The following STXBP5L variants were observed in gnomAD, a reference collection of about 807,000 sequenced individuals.
STXBP5L encodes syntaxin binding protein 5L, also known as syntaxin-binding protein 5-like.
Under a neutral mutation model 144.5 loss-of-function variants are expected in STXBP5L, and 65 were observed. The ratio of observed to expected loss-of-function variants is 0.45; its 90% CI spans 0.37 to 0.55. STXBP5L has a LOEUF of 0.55. STXBP5L is among the 20% of genes least tolerant of loss of function. The pLI, the probability that STXBP5L is intolerant of heterozygous loss-of-function variation, is 0.00. For synonymous variants in STXBP5L, 505 were observed against 469.6 expected, an observed-to-expected ratio of 1.08 and a Z score of -0.97; for missense variants, 1,298 against 1,405.5, an observed-to-expected ratio of 0.92 and a Z score of 1.22.
At position 121,205,972 on chromosome 3, in the gene STXBP5L, T is replaced by A; in HGVS notation, c.927T>A (p.Leu309=). 1 of 1,518,296 alleles carries A rather than the reference T, an allele frequency of 6.6e-7. No homozygotes were observed. The allele number at this position is 1,518,296 out of a possible 1,614,324, so 94.1% of individuals were successfully genotyped here. A position where few individuals can be genotyped will look rare whatever the true frequency, so the allele number is the denominator to read the frequency against. Residue 309 remains leucine, a synonymous_variant, in exon 10 of 27, where the codon CTT becomes CTA. Coordinates refer to ENST00000471454, the MANE Select transcript of STXBP5L (RefSeq NM_001308330.2). The part of the protein sequence containing the change: ...GRKSESCKPI[L]KVEYKTCKNS... Reference sequence around the variant, plus strand: ...AATCTGAATCTTGTAAACCAATTCTTAAAGTAGAATACAAGACCTGCAAAA... The same window carrying A: ...AATCTGAATCTTGTAAACCAATTCTAAAAGTAGAATACAAGACCTGCAAAA...
intron 5 of STXBP5L, among the ~76,000 whole-genome samples, chr3:121,073,474 G>T (rs1164702747): frequency 6.6e-6 from 1 of 152,178 alleles, no homozygotes. Flanking sequence ...CCTTGAAACA[G>T]GGTGGCCATC....
intron 5 of STXBP5L, among the ~76,000 whole-genome samples, chr3:121,059,849 T>C (rs1480672924): frequency 1.3e-5 from 2 of 152,216 alleles, no homozygotes; most frequent in Non-Finnish European, 2.9e-5. Context: ...TTAAGTTGCT[T>C]ATCAGCTTAA....
rs564207982 is a variant in STXBP5L, at chr3:121,052,382, A to G, written c.470+6847A>G. Among the ~76,000 whole-genome samples, 242 of 152,308 alleles carry G rather than the reference A, an allele frequency of 1.6e-3. 1 individual carries two copies. Among genetic ancestry groups the G allele is most frequent in the African/African-American group, 5.3e-3 (220 of 41,574 alleles). On this transcript the variant is annotated intron_variant, in intron 5 of 26. Transcript: ENST00000471454. ...GCAAACAGAATCCAGCAGCACATCA[A>G]AAAGCTTATCCACCATGATCAAGTG... is the stretch of plus-strand genomic sequence containing the variant.
intron 19 of STXBP5L, among the ~76,000 whole-genome samples, chr3:121,313,611 C>G (rs1305079899): frequency 2.0e-5 from 2 of 97,796 alleles, no homozygotes; most frequent in African/African-American, 8.0e-5. Flanking sequence ...GGCCGACCCC[C>G]CCCCCCGCCT....
chr3:121,407,488 C>T lies in STXBP5L; in HGVS notation c.2833C>T (p.Leu945Phe). 6.2e-7 allele frequency: 1 copy of T among 1,613,304 alleles called. No individual in the cohort carries two copies. Among genetic ancestry groups the T allele is most frequent in the Non-Finnish European group, 8.5e-7 (1 of 1,179,510 alleles). Residue 945 changes from leucine to phenylalanine, a missense_variant, in exon 23 of 27, where the codon CTT (leucine) becomes TTT (phenylalanine). By Grantham distance (22) the Leu-to-Phe change is conservative. Coordinates refer to ENST00000471454, the MANE Select transcript of STXBP5L (RefSeq NM_001308330.2). ...CTTCTCACTGCCTTCTCAGACTTGC[C>T]TTTATGTTCATAACATCACGGAGAC... ...KVFSLPSQTC[L>F]YVHNITETSF...
Position 121,092,289 on chromosome 3 carries a change from G to A in STXBP5L, c.471-22636G>A, listed in dbSNP as rs78552675. Among the ~76,000 whole-genome samples the A allele has an allele frequency of 1.5e-4, 23 of 151,372 alleles. No individual in the cohort carries two copies. The South Asian group carries it at 4.2e-3, about 28-fold the overall frequency. ...GGTTCCATATGAACTTTAAAGTAGT[G>A]TTTTCCAATTCTGTGATGAAAGTCA... On this transcript the variant is annotated intron_variant, in intron 5 of 26. Coordinates refer to ENST00000471454, the MANE Select transcript of STXBP5L (RefSeq NM_001308330.2).
At chr3:121,119,818 ATGTT>A (rs1347523347) in intron 6 of STXBP5L, among the ~76,000 whole-genome samples, 1 of 151,312 alleles carries the variant, frequency 6.6e-6, no homozygotes, top group Non-Finnish European at 1.5e-5. Flanking sequence ...GATGTGTTCT[ATGTT>A]TGTTTAAGAT....
chr3:121,340,141 T>G (rs1253271203), intron 20 of STXBP5L, among the ~76,000 whole-genome samples: 1 of 152,140 alleles, frequency 6.6e-6, no homozygotes, highest in African/African-American at 2.4e-5. Context: ...TCGCATTACC[T>G]GACTTCAAAT....
At chr3:121,096,601 C>T (rs1274564041) in intron 5 of STXBP5L, among the ~76,000 whole-genome samples, 1 of 152,090 alleles carries the variant, frequency 6.6e-6, no homozygotes, top group African/African-American at 2.4e-5. Flanking sequence ...GGCCCCTCTG[C>T]TGCAGGTTGG....
intron 3 of STXBP5L, among the ~76,000 whole-genome samples, chr3:120,957,732 C>G (rs1938208237): frequency 6.6e-6 from 1 of 151,840 alleles, no homozygotes; most frequent in Non-Finnish European, 1.5e-5. Context: ...TACAACATAC[C>G]AGGATCTCTG....
At chr3:121,292,697 T>A (rs1408658796) in intron 19 of STXBP5L, among the ~76,000 whole-genome samples, 1 of 152,212 alleles carries the variant, frequency 6.6e-6, no homozygotes, top group Non-Finnish European at 1.5e-5. Flanking sequence ...GGAATACTAC[T>A]GAGCCATAAA....
chr3:121,242,422 T>C (rs2049701136), intron 14 of STXBP5L, among the ~76,000 whole-genome samples: 1 of 152,162 alleles, frequency 6.6e-6, no homozygotes, highest in African/African-American at 2.4e-5. Flanking sequence ...AAGGCTTTTA[T>C]ATATCTTGAA....
At chr3:121,235,842 T>TACAC (rs371102820) in intron 12 of STXBP5L, among the ~76,000 whole-genome samples, 30 of 144,230 alleles carry the variant, frequency 2.1e-4, no homozygotes, top group East Asian at 4.1e-4. Context: ...CACACACACA[T>TACAC]ACACACACAC....
rs956617561 is a variant in STXBP5L, at chr3:121,062,414, T to C, written c.470+16879T>C. The stretch of plus-strand genomic sequence containing the variant: ...GGCTAACCTGACCTTTCTCAGTGGC[T>C]GAAGGAAAAATGTTAAACATTTTTT... On this transcript the variant is annotated intron_variant, in intron 5 of 26. Coordinates refer to ENST00000471454, the MANE Select transcript of STXBP5L (RefSeq NM_001308330.2). 5.3e-5 allele frequency among the ~76,000 whole-genome samples: 8 copies of C among 152,334 alleles called. No individual in the cohort carries two copies. In the East Asian group the frequency reaches 1.4e-3, roughly 26 times the overall value.
chr3:120,988,942 A>C (rs962428343), intron 3 of STXBP5L, among the ~76,000 whole-genome samples: 1 of 152,040 alleles, frequency 6.6e-6, no homozygotes, highest in Non-Finnish European at 1.5e-5. Context: ...GAGATATTTC[A>C]CTTAAAATAA....
intron 5 of STXBP5L, among the ~76,000 whole-genome samples, chr3:121,111,064 A>T (rs2043963528): frequency 6.6e-6 from 1 of 151,872 alleles, no homozygotes; most frequent in African/African-American, 2.4e-5. Context: ...TGAAGTTCTC[A>T]TGTTGTGTTT....
chr3:121,117,752 A>C (rs1219304949), intron 6 of STXBP5L, among the ~76,000 whole-genome samples: 1 of 151,688 alleles, frequency 6.6e-6, no homozygotes, highest in Admixed American at 6.6e-5. Context: ...TTTTTAGTGA[A>C]TTATTCTAAT....
chr3:121,241,159 C>T (rs1485141034), intron 14 of STXBP5L, among the ~76,000 whole-genome samples: 2 of 152,010 alleles, frequency 1.3e-5, no homozygotes, highest in African/African-American at 2.4e-5. Context: ...TAGAGAATGA[C>T]ATGGAAGTCA....
At chr3:120,977,669 G>A (rs1941233709) in intron 3 of STXBP5L, among the ~76,000 whole-genome samples, 1 of 152,118 alleles carries the variant, frequency 6.6e-6, no homozygotes, top group African/African-American at 2.4e-5. Context: ...GCATGATTTT[G>A]CAGTGGCTGG....
Sources: allele counts gnomAD v4.1 joint callset (sites outside exome capture counted in the v4.1 genomes callset), GRCh38; gene constraint gnomAD v4.1.1; transcripts MANE v1.5; gene names NCBI Gene and HGNC (gene_info 2026-07-23, HGNC 2026-07-21).